The following ATXN1 variants were observed in gnomAD, a reference collection of about 807,000 sequenced individuals.
ATXN1 encodes ataxin-1.
In ATXN1, 8 loss-of-function variants were observed where a neutral mutation model predicts 56.4. The observed-to-expected ratio is 0.14, with a 90% CI of 0.08 to 0.26. ATXN1 has a LOEUF of 0.26. Among genes scored for constraint, ATXN1 ranks in the 10% least tolerant of loss-of-function variants. The pLI is 1.00. For missense variants in ATXN1, 987 were observed against 1,106.5 expected, an observed-to-expected ratio of 0.89 and a Z score of 1.53; for synonymous variants, 514 against 494.6, an observed-to-expected ratio of 1.04 and a Z score of -0.52.
chr6:16,466,225 G>T (rs1760102234), intron 6 of ATXN1, among the ~76,000 whole-genome samples: 1 of 147,476 alleles, frequency 6.8e-6, no homozygotes, highest in Non-Finnish European at 1.5e-5. Context: ...TGAGGCAGGA[G>T]AATCGCTTGT....
At chr6:16,508,596 A>C (rs1455188750) in intron 5 of ATXN1, among the ~76,000 whole-genome samples, 2 of 152,198 alleles carry the variant, frequency 1.3e-5, no homozygotes, top group Non-Finnish European at 2.9e-5. Context: ...GCTACTATCA[A>C]ATACATTTTT....
intron 5 of ATXN1, among the ~76,000 whole-genome samples, chr6:16,492,284 G>A (rs918403878): frequency 6.6e-6 from 1 of 150,550 alleles, no homozygotes; most frequent in East Asian, 2.0e-4. Flanking sequence ...TGGGGTGGGG[G>A]GAGCGGGGAG....
At chr6:16,335,530 G>A (rs951947790) in intron 6 of ATXN1, among the ~76,000 whole-genome samples, 2 of 152,192 alleles carry the variant, frequency 1.3e-5, no homozygotes, top group Admixed American at 6.5e-5. Flanking sequence ...GAGTCCACAC[G>A]AGGGCCTAAG....
intron 6 of ATXN1, among the ~76,000 whole-genome samples, chr6:16,356,686 A>G (rs1033269756): frequency 3.3e-5 from 5 of 152,214 alleles, no homozygotes; most frequent in African/African-American, 1.2e-4. Flanking sequence ...TCTTTGGGGG[A>G]AAAGCATATA....
At chr6:16,714,513 T>C (rs1759598712) in intron 2 of ATXN1, among the ~76,000 whole-genome samples, 1 of 152,134 alleles carries the variant, frequency 6.6e-6, no homozygotes, top group South Asian at 2.1e-4. Flanking sequence ...TTTTGAAAAA[T>C]ACAGAAATGG....
chr6:16,707,369 A>G (rs1417136408), intron 2 of ATXN1, among the ~76,000 whole-genome samples: 1 of 152,120 alleles, frequency 6.6e-6, no homozygotes, highest in East Asian at 1.9e-4. Flanking sequence ...TCTTTTTCTC[A>G]AACTCCTCAA....
chr6:16,311,207 T>C (rs1407063100), intron 7 of ATXN1, among the ~76,000 whole-genome samples: 2 of 152,236 alleles, frequency 1.3e-5, no homozygotes, highest in Admixed American at 6.5e-5. Flanking sequence ...TATGGAATAG[T>C]ATTGCTCTTC....
At chr6:16,416,550 C>A (rs76360736) in intron 6 of ATXN1, among the ~76,000 whole-genome samples, 7,971 of 152,282 alleles carry the variant, frequency 0.052, 254 homozygotes, top group South Asian at 0.13. Context: ...TAAGTATAGT[C>A]CCTGGCCCAG....
In ATXN1 at chr6:16,594,083, G is replaced by A. The variant is rs574511419; in HGVS notation, c.-488-8176C>T. On this transcript the variant is annotated intron_variant, in intron 3 of 7. Coordinates refer to ENST00000436367, the MANE Select transcript of ATXN1 (RefSeq NM_001128164.2). ...TTATATATTAGACTAATATATATTA[G>A]TCTACAGGGATAGAAGCTAATATAT... Among the ~76,000 whole-genome samples the A allele has an allele frequency of 9.8e-4, 145 of 148,594 alleles. 1 individual carries two copies. The highest frequency in any genetic ancestry group is 3.5e-3 in the African/African-American group (141 of 40,640).
intron 2 of ATXN1, among the ~76,000 whole-genome samples, chr6:16,748,921 C>T (rs139868779): frequency 1.7e-4 from 26 of 152,220 alleles, no homozygotes; most frequent in African/African-American, 5.8e-4. Context: ...CTAACATCAT[C>T]GTAACATCAT....
chr6:16,693,615 A>G lies in ATXN1; in HGVS notation c.-614-35714T>C, dbSNP rs1286182085. Reference sequence around the variant, plus strand: ...TGTCCAGTCACCCAGGACTTGATCAAACAGAACTCTATTAACTACCTCCTT... The same window carrying G: ...TGTCCAGTCACCCAGGACTTGATCAGACAGAACTCTATTAACTACCTCCTT... On this transcript the variant is annotated intron_variant, in intron 2 of 7. Coordinates refer to ENST00000436367, the MANE Select transcript of ATXN1 (RefSeq NM_001128164.2). 2.6e-5 allele frequency among the ~76,000 whole-genome samples: 4 copies of G among 152,170 alleles called. No homozygotes were observed. The East Asian group carries it at 5.8e-4, about 22-fold the overall frequency.
chr6:16,569,637 G>A lies in ATXN1; in HGVS notation c.-361+16143C>T, dbSNP rs372447763. 9.2e-5 allele frequency among the ~76,000 whole-genome samples: 14 copies of A among 152,180 alleles called. No individual in the cohort carries two copies. The East Asian group carries it at 1.7e-3, about 19-fold the overall frequency. On this transcript the variant is annotated intron_variant, in intron 4 of 7. Coordinates refer to ENST00000436367, the MANE Select transcript of ATXN1 (RefSeq NM_001128164.2). ...CAGGGTACTCATGGCCAAATCTCGG[G>A]TGGGGCTGGGATGGGAGTAAAGATG...
intron 4 of ATXN1, among the ~76,000 whole-genome samples, chr6:16,536,420 C>A (rs149722773): frequency 6.6e-6 from 1 of 152,172 alleles, no homozygotes; most frequent in Non-Finnish European, 1.5e-5. Context: ...TTTGCAAAAT[C>A]TAGGTGGCAA....
At position 16,327,663 on chromosome 6, in the gene ATXN1, C is replaced by A. The variant is rs201040133; in HGVS notation, c.648G>T (p.Gln216His). 1.5e-4 allele frequency: 226 copies of A among 1,523,474 alleles called. 1 individual carries two copies. The African/African-American group carries it at 2.1e-3, about 14-fold the overall frequency. The allele number at this position is 1,523,474 out of a possible 1,614,324, so 94.4% of individuals were successfully genotyped here. A position where few individuals can be genotyped will look rare whatever the true frequency, so the allele number is the denominator to read the frequency against. The change falls in exon 7 of 8, where the codon CAG (glutamine) becomes CAT (histidine). Residue 216 changes from glutamine to histidine, a missense_variant. Gln to His is a conservative substitution (Grantham distance 24). Coordinates refer to ENST00000436367, the MANE Select transcript of ATXN1 (RefSeq NM_001128164.2). ...GCTGCTGCTGCTGCTGCTGCTGCTGCTGCTGCTGCTGCTGATGCTGATGCT... is the reference window on the plus strand; with the variant it reads ...GCTGCTGCTGCTGCTGCTGCTGCTGATGCTGCTGCTGCTGATGCTGATGCT... The part of the protein sequence containing the change: ...QQQHQHQQQQ[Q>H]QQQQQQQQQH...
At chr6:16,374,092 A>G (rs1762098978) in intron 6 of ATXN1, among the ~76,000 whole-genome samples, 2 of 150,068 alleles carry the variant, frequency 1.3e-5, no homozygotes, top group Admixed American at 6.7e-5. Flanking sequence ...AATCCTTAGC[A>G]TCTGCTATAT....
intron 6 of ATXN1, among the ~76,000 whole-genome samples, chr6:16,469,149 A>G (rs969210876): frequency 1.3e-5 from 2 of 152,246 alleles, no homozygotes; most frequent in Admixed American, 1.3e-4. Context: ...GAATGAATGC[A>G]TGAAAGAATG....
chr6:16,441,022 C>T (rs552764919), intron 6 of ATXN1, among the ~76,000 whole-genome samples: 43 of 152,180 alleles, frequency 2.8e-4, no homozygotes, highest in African/African-American at 4.6e-4. Flanking sequence ...CCTTACGGCA[C>T]GGTCAGCAGG....
At chr6:16,370,857 A>T (rs59572963) in intron 6 of ATXN1, among the ~76,000 whole-genome samples, 12,174 of 152,294 alleles carry the variant, frequency 0.08, 787 homozygotes, top group East Asian at 0.33. Flanking sequence ...AACTAACTGT[A>T]AAATCCAAAA....
chr6:16,411,422 C>G (rs186109349), intron 6 of ATXN1, among the ~76,000 whole-genome samples: 1 of 151,820 alleles, frequency 6.6e-6, no homozygotes, highest in Non-Finnish European at 1.5e-5. Context: ...AAATTGAAGC[C>G]CTGTTTATAG....
Sources: allele counts gnomAD v4.1 joint callset (sites outside exome capture counted in the v4.1 genomes callset), GRCh38; gene constraint gnomAD v4.1.1; transcripts MANE v1.5; gene names NCBI Gene and HGNC (gene_info 2026-07-23, HGNC 2026-07-21).